The following SLC9A9 variants were observed in gnomAD, a reference collection of about 807,000 sequenced individuals.
SLC9A9 encodes solute carrier family 9 member A9, also known as sodium/hydrogen exchanger 9.
Under a neutral mutation model 77.8 loss-of-function variants are expected in SLC9A9, and 62 were observed. The observed-to-expected ratio is 0.80, with a 90% CI of 0.65 to 0.98. SLC9A9 has a LOEUF of 0.98. SLC9A9 is among the 50% of genes least tolerant of loss of function. The probability of loss-of-function intolerance (pLI) is 0.00; values close to 1 mark genes in which losing one functional copy is unlikely to be tolerated. For synonymous variants in SLC9A9, 320 were observed against 283.5 expected (o/e 1.13, Z -1.29); for missense variants, 775 against 774.9 (o/e 1.00, Z 0.00).
chr3:143,298,274 G>A lies in SLC9A9; in HGVS notation c.1605-29294C>T, dbSNP rs558047461. 9.9e-4 allele frequency among the ~76,000 whole-genome samples: 151 copies of A among 152,316 alleles called. 1 individual carries two copies. Among genetic ancestry groups the A allele is most frequent in the Admixed American group, 3.2e-3 (49 of 15,294 alleles). On this transcript the variant is annotated intron_variant, in intron 14 of 15. Transcript: ENST00000316549. ...GGTTGTACTGGGGCACACAGACAGG[G>A]AAGGAAGCCCATATAGATCTGCAAC... is the stretch of plus-strand genomic sequence containing the variant.
intron 4 of SLC9A9, among the ~76,000 whole-genome samples, chr3:143,735,168 T>C (rs554891402): frequency 6.6e-6 from 1 of 152,328 alleles, no homozygotes; most frequent in East Asian, 1.9e-4. Flanking sequence ...TAAATTCTCT[T>C]CTTTTTCTCT....
At chr3:143,430,109 T>C (rs2034484355) in intron 12 of SLC9A9, among the ~76,000 whole-genome samples, 2 of 152,304 alleles carry the variant, frequency 1.3e-5, no homozygotes, top group South Asian at 4.1e-4. Context: ...TTCAGTCTTA[T>C]CAGTTGTTTA....
intron 2 of SLC9A9, among the ~76,000 whole-genome samples, chr3:143,820,458 C>T (rs2009137562): frequency 1.3e-5 from 2 of 152,182 alleles, no homozygotes; most frequent in South Asian, 2.1e-4. Context: ...AGGTCAATAT[C>T]GTACATCCTG....
rs562414413 is a variant in SLC9A9 at position 143,471,492 on chromosome 3, A to G, written c.1316-4302T>C. On this transcript the variant is annotated intron_variant, in intron 11 of 15. Transcript: ENST00000316549. ...TTAGGGTACCAGCAAAATACTAAAA[A>G]TGAAAAATGAATATTGACTTAGGAT... Among the ~76,000 whole-genome samples, 4 of 152,334 alleles carry G rather than the reference A, an allele frequency of 2.6e-5. No homozygotes were observed. The South Asian group carries it at 8.3e-4, about 32-fold the overall frequency.
chr3:143,362,610 T>C (rs1036468499), intron 14 of SLC9A9, among the ~76,000 whole-genome samples: 2 of 152,156 alleles, frequency 1.3e-5, no homozygotes, highest in African/African-American at 4.8e-5. Flanking sequence ...ACTGATCTGT[T>C]GTGGCTTTAA....
At chr3:143,762,202 G>T (rs1213567858) in intron 4 of SLC9A9, among the ~76,000 whole-genome samples, 2 of 152,102 alleles carry the variant, frequency 1.3e-5, no homozygotes, top group Non-Finnish European at 2.9e-5. Context: ...GGGGTTGGGG[G>T]AGGGGGAAGG....
chr3:143,360,049 A>C (rs1301460679), intron 14 of SLC9A9, among the ~76,000 whole-genome samples: 1 of 152,210 alleles, frequency 6.6e-6, no homozygotes, highest in African/African-American at 2.4e-5. Context: ...TTACAGGTAG[A>C]GTAAGAGATA....
intron 5 of SLC9A9, among the ~76,000 whole-genome samples, chr3:143,679,063 G>A (rs1267950451): frequency 6.6e-6 from 1 of 150,938 alleles, no homozygotes; most frequent in African/African-American, 2.4e-5. Context: ...GAGGGGGGTG[G>A]GAAGAGTGCA....
At chr3:143,284,313 C>T (rs1354617237) in intron 14 of SLC9A9, among the ~76,000 whole-genome samples, 9 of 151,986 alleles carry the variant, frequency 5.9e-5, no homozygotes, top group African/African-American at 2.2e-4. Flanking sequence ...TTCTTTTCTC[C>T]TTGTTAATAT....
At chr3:143,462,885 G>A (rs1253553623) in intron 12 of SLC9A9, among the ~76,000 whole-genome samples, 1 of 152,158 alleles carries the variant, frequency 6.6e-6, no homozygotes, top group African/African-American at 2.4e-5. Flanking sequence ...CTAGGCTTAG[G>A]CTCCCCAGAT....
chr3:143,830,788 A>G (rs920585233), intron 2 of SLC9A9, among the ~76,000 whole-genome samples: 2 of 152,206 alleles, frequency 1.3e-5, no homozygotes, highest in South Asian at 4.1e-4. Context: ...TTATTATCAT[A>G]TAAACAAAAA....
intron 4 of SLC9A9, among the ~76,000 whole-genome samples, chr3:143,777,255 T>C (rs2007721033): frequency 6.6e-6 from 1 of 152,132 alleles, no homozygotes. Context: ...ATAAACTTAG[T>C]CCACATGGAA....
At chr3:143,563,538 T>G (rs1042069309) in intron 8 of SLC9A9, among the ~76,000 whole-genome samples, 3 of 152,174 alleles carry the variant, frequency 2.0e-5, no homozygotes, top group African/African-American at 7.2e-5. Flanking sequence ...CGTCCATTGC[T>G]TTCTCCTCAC....
intron 4 of SLC9A9, among the ~76,000 whole-genome samples, chr3:143,739,262 A>G (rs544959225): frequency 1.3e-5 from 2 of 152,304 alleles, no homozygotes; most frequent in Admixed American, 1.3e-4. Context: ...ACTCCTGTCA[A>G]TCAGAAATGA....
chr3:143,650,308 G>A (rs748323366), intron 6 of SLC9A9, among the ~76,000 whole-genome samples: 3 of 152,266 alleles, frequency 2.0e-5, no homozygotes, highest in Non-Finnish European at 4.4e-5. Flanking sequence ...ATGGTTGGCA[G>A]AGAGTGTGTG....
chr3:143,725,374 T>C (rs1365006477), intron 4 of SLC9A9, among the ~76,000 whole-genome samples: 7 of 151,926 alleles, frequency 4.6e-5, no homozygotes, highest in Non-Finnish European at 8.8e-5. Flanking sequence ...GACCCAGCCA[T>C]CCCATTACTG....
At chr3:143,581,568 A>G (rs1663861502) in intron 6 of SLC9A9, among the ~76,000 whole-genome samples, 1 of 147,064 alleles carries the variant, frequency 6.8e-6, no homozygotes, top group Admixed American at 6.8e-5. Context: ...CTTTCTTTGC[A>G]TAAAAGACAT....
At chr3:143,313,739 T>C (rs1312687310) in intron 14 of SLC9A9, among the ~76,000 whole-genome samples, 1 of 152,226 alleles carries the variant, frequency 6.6e-6, no homozygotes, top group Non-Finnish European at 1.5e-5. Context: ...GCTTCCACCA[T>C]TCTGGCTAGA....
rs2108548685 is a variant in SLC9A9, at chr3:143,445,982, A to T, written c.1469+21055T>A. Among the ~76,000 whole-genome samples, 4 of 152,222 alleles carry T rather than the reference A, an allele frequency of 2.6e-5. No homozygotes were observed. The Middle Eastern group carries it at 0.014, about 521-fold the overall frequency. On this transcript the variant is annotated intron_variant, in intron 12 of 15. Transcript: ENST00000316549. ...CTCAGAGTAAGTTTAAGAAAGAGTGAGAAGAAAGGATTGGTAGACACTATG... is the reference window on the plus strand; with the variant it reads ...CTCAGAGTAAGTTTAAGAAAGAGTGTGAAGAAAGGATTGGTAGACACTATG...
Sources: allele counts gnomAD v4.1 joint callset (sites outside exome capture counted in the v4.1 genomes callset), GRCh38; gene constraint gnomAD v4.1.1; transcripts MANE v1.5; gene names NCBI Gene and HGNC (gene_info 2026-07-23, HGNC 2026-07-21).